The following SUCLG2 variants were observed in gnomAD, a reference collection of about 807,000 sequenced individuals.
The protein encoded by SUCLG2 is succinate-CoA ligase GDP-forming subunit beta.
In SUCLG2, 42 loss-of-function variants were observed where a neutral mutation model predicts 47.9. The ratio of observed to expected loss-of-function variants is 0.88; its 90% CI spans 0.69 to 1.14. The LOEUF is 1.14. Ranked by LOEUF, SUCLG2 falls within the 50% of genes most tolerant of loss-of-function variation. SUCLG2 has a pLI of 0.00. For synonymous variants in SUCLG2, 195 were observed against 197.3 expected (o/e 0.99, Z 0.10); for missense variants, 571 against 525.9 (o/e 1.09, Z -0.84).
At chr3:67,561,178 C>G (rs1307329837) in intron 2 of SUCLG2, among the ~76,000 whole-genome samples, 1 of 151,516 alleles carries the variant, frequency 6.6e-6, no homozygotes, top group Admixed American at 6.6e-5. Context: ...CCAGGGGCTG[C>G]TTGCACCTTG....
intron 6 of SUCLG2, among the ~76,000 whole-genome samples, chr3:67,516,902 C>G (rs1217687391): frequency 6.6e-6 from 1 of 152,162 alleles, no homozygotes; most frequent in Non-Finnish European, 1.5e-5. Flanking sequence ...ACAGGAGAAG[C>G]CCCTTAATAA....
chr3:67,576,043 C>T (rs184066050), intron 2 of SUCLG2, among the ~76,000 whole-genome samples: 1 of 152,138 alleles, frequency 6.6e-6, no homozygotes, highest in Non-Finnish European at 1.5e-5. Flanking sequence ...ACAGCTGAGT[C>T]CTTTTTATCT....
chr3:67,433,392 G>C (rs1205803170), intron 9 of SUCLG2, among the ~76,000 whole-genome samples: 1 of 152,074 alleles, frequency 6.6e-6, no homozygotes. Context: ...TGGCTGAAAG[G>C]AACCAATTTT....
chr3:67,363,498 C>T (rs190641520), intron 10 of SUCLG2, among the ~76,000 whole-genome samples: 7 of 152,240 alleles, frequency 4.6e-5, no homozygotes, highest in Non-Finnish European at 1.0e-4. Context: ...AAACGCCCGT[C>T]ATACAGTCTT....
chr3:67,593,061 T>A (rs941846075), intron 2 of SUCLG2, among the ~76,000 whole-genome samples: 1 of 152,196 alleles, frequency 6.6e-6, no homozygotes, highest in Non-Finnish European at 1.5e-5. Context: ...TTTGTGTACA[T>A]TACTATAGGT....
chr3:67,460,672 G>C (rs1027602172), intron 9 of SUCLG2, among the ~76,000 whole-genome samples: 13 of 152,056 alleles, frequency 8.5e-5, no homozygotes, highest in Non-Finnish European at 1.3e-4. Context: ...TTGAATCAAT[G>C]GTAGGACTTT....
chr3:67,539,606 A>G lies in SUCLG2; in HGVS notation c.227-10420T>C, dbSNP rs182699501. Among the ~76,000 whole-genome samples, 16 of 152,060 alleles carry G rather than the reference A, an allele frequency of 1.1e-4. No individual in the cohort carries two copies. The East Asian group carries it at 2.9e-3, about 28-fold the overall frequency. Reference sequence around the variant, plus strand: ...GTTAGGGACGAGTCCCTCCTTTTCTATTGTTTGGAATAGTTTCAGAAGGAA... The same window carrying G: ...GTTAGGGACGAGTCCCTCCTTTTCTGTTGTTTGGAATAGTTTCAGAAGGAA... On this transcript the variant is annotated intron_variant, in intron 2 of 10. Transcript: ENST00000307227.
intron 2 of SUCLG2, among the ~76,000 whole-genome samples, chr3:67,541,275 G>A (rs1480587648): frequency 1.3e-5 from 2 of 152,120 alleles, no homozygotes; most frequent in African/African-American, 2.4e-5. Flanking sequence ...AAAGAAGCAC[G>A]TTATAACCCA....
At chr3:67,393,584 T>C (rs376609443) in intron 10 of SUCLG2, among the ~76,000 whole-genome samples, 4 of 152,176 alleles carry the variant, frequency 2.6e-5, no homozygotes, top group South Asian at 2.1e-4. Flanking sequence ...GGCTCCACCT[T>C]TGGGGGCAGG....
rs528939491 is a variant in SUCLG2 at position 67,477,727 on chromosome 3, A to G, written c.1062+18071T>C. Among the ~76,000 whole-genome samples, 8 of 152,226 alleles carry G rather than the reference A, an allele frequency of 5.3e-5. No homozygotes were observed. The South Asian group carries it at 1.7e-3, about 32-fold the overall frequency. ...AAAGAAAACTAGTGGAGGTTTTACT[A>G]AGTCTGTCTGACCCACGACACTGTA... is the stretch of plus-strand genomic sequence containing the variant. On this transcript the variant is annotated intron_variant, in intron 9 of 10. Coordinates refer to ENST00000307227, the MANE Select transcript of SUCLG2 (RefSeq NM_003848.4).
chr3:67,528,355 GC>G, intron 3 of SUCLG2, 133 bp from the exon 4 acceptor site: 1 of 762,868 alleles, frequency 1.3e-6, no homozygotes, highest in Non-Finnish European at 2.2e-6. Context: ...GAGTCTTTCT[GC>G]TTATGTGCTG....
chr3:67,458,615 T>C (rs890993615), intron 9 of SUCLG2, among the ~76,000 whole-genome samples: 4 of 152,118 alleles, frequency 2.6e-5, no homozygotes, highest in Non-Finnish European at 4.4e-5. Context: ...GTGCTTATTG[T>C]TTATACAGTG....
At chr3:67,506,468 G>A (rs1410003261) in intron 7 of SUCLG2, among the ~76,000 whole-genome samples, 2 of 151,394 alleles carry the variant, frequency 1.3e-5, no homozygotes, top group African/African-American at 2.4e-5. Context: ...AATGTTTTAT[G>A]ATGATTCCCT....
At chr3:67,480,291 T>C (rs1035324518) in intron 9 of SUCLG2, among the ~76,000 whole-genome samples, 4 of 152,214 alleles carry the variant, frequency 2.6e-5, no homozygotes, top group Non-Finnish European at 4.4e-5. Flanking sequence ...GGAGGAGCTA[T>C]AGAGCTGTAG....
At chr3:67,647,292 T>G (rs1701209520) in intron 1 of SUCLG2, among the ~76,000 whole-genome samples, 1 of 152,220 alleles carries the variant, frequency 6.6e-6, no homozygotes, top group Non-Finnish European at 1.5e-5. Flanking sequence ...AATTCAAAGG[T>G]AAATGTTAGA....
intron 1 of SUCLG2, among the ~76,000 whole-genome samples, chr3:67,632,253 G>A (rs1700939538): frequency 6.6e-6 from 1 of 152,016 alleles, no homozygotes; most frequent in Non-Finnish European, 1.5e-5. Context: ...TGCGATCTCT[G>A]CTCACTGTAG....
intron 1 of SUCLG2, among the ~76,000 whole-genome samples, chr3:67,648,758 C>T (rs951512868): frequency 1.3e-5 from 2 of 152,180 alleles, no homozygotes; most frequent in Non-Finnish European, 2.9e-5. Flanking sequence ...CCCCTTCCTT[C>T]TTCCTCATTT....
chr3:67,623,832 G>A (rs1254398538), intron 1 of SUCLG2, among the ~76,000 whole-genome samples: 1 of 152,200 alleles, frequency 6.6e-6, no homozygotes, highest in Admixed American at 6.5e-5. Flanking sequence ...CTTCCAGGGT[G>A]GCTGGGATAA....
intron 10 of SUCLG2, among the ~76,000 whole-genome samples, chr3:67,362,019 A>T (rs1221690051): frequency 6.6e-6 from 1 of 152,138 alleles, no homozygotes; most frequent in Non-Finnish European, 1.5e-5. Flanking sequence ...GAATAAGCCA[A>T]ACCAACAGGA....
Sources: allele counts gnomAD v4.1 joint callset (sites outside exome capture counted in the v4.1 genomes callset), GRCh38; gene constraint gnomAD v4.1.1; transcripts MANE v1.5; gene names NCBI Gene and HGNC (gene_info 2026-07-23, HGNC 2026-07-21).